The following CSRP1 variants were observed in gnomAD, a reference collection of about 807,000 sequenced individuals.
CSRP1 encodes cysteine and glycine rich protein 1, also known as cysteine and glycine-rich protein 1.
In CSRP1, 16 loss-of-function variants were observed where a neutral mutation model predicts 25.4. The ratio of observed to expected loss-of-function variants is 0.63; its 90% CI spans 0.43 to 0.96. The LOEUF is 0.96. CSRP1 is among the 40% of genes least tolerant of loss of function. The probability of loss-of-function intolerance (pLI) is 0.00; values close to 1 mark genes in which losing one functional copy is unlikely to be tolerated. For missense variants in CSRP1, 212 were observed against 243.6 expected, an observed-to-expected ratio of 0.87 and a Z score of 0.86; for synonymous variants, 97 against 95.3, an observed-to-expected ratio of 1.02 and a Z score of -0.10.
intron 1 of CSRP1, among the ~76,000 whole-genome samples, chr1:201,505,018 T>G (rs1664776421): frequency 6.6e-6 from 1 of 152,170 alleles, no homozygotes; most frequent in Non-Finnish European, 1.5e-5. Flanking sequence ...GAGAATCGCT[T>G]GAACCCAGGA....
At chr1:201,496,577 G>C in intron 1 of CSRP1, 1 of 476,210 alleles carries the variant, frequency 2.1e-6, no homozygotes, top group South Asian at 2.5e-5. Flanking sequence ...AAAGGATGTG[G>C]ATCAGCAGAA....
Position 201,485,341 on chromosome 1 carries a change from A to G in CSRP1, c.447T>C (p.Cys149=), listed in dbSNP as rs781236533. 5.0e-6 allele frequency: 8 copies of G among 1,614,196 alleles called. No individual in the cohort carries two copies. The South Asian group carries it at 8.8e-5, about 18-fold the overall frequency. Residue 149 remains cysteine, a synonymous_variant, in exon 5 of 6, where the codon TGT becomes TGC. Transcript: ENST00000340006. ...GGGTGGTTGACTCAAGGCCTTTGCC[A>G]CACTTGGCACATCGAAAGCAGGCCT... ...WHKACFRCAK[C]GKGLESTTLA...
chr1:201,490,038 T>G (rs1272588568), intron 3 of CSRP1, 138 bp downstream of exon 3: 2 of 850,190 alleles, frequency 2.4e-6, no homozygotes, highest in African/African-American at 3.4e-5. Flanking sequence ...TAGACACTGC[T>G]CTGTGACTGC....
intron 2 of CSRP1, chr1:201,495,556 C>T (rs1015443936): frequency 6.6e-6 from 1 of 152,174 alleles, no homozygotes; most frequent in Non-Finnish European, 1.5e-5. Context: ...TGTCAGGATC[C>T]CTGGGTCGAC....
intron 4 of CSRP1, chr1:201,487,532 G>A (rs1664186395): frequency 6.6e-6 from 1 of 152,228 alleles, no homozygotes; most frequent in Non-Finnish European, 1.5e-5. Context: ...TGAGGCTTAG[G>A]AAGGCTAAAT....
At chr1:201,493,961 G>A (rs1664419344) in intron 2 of CSRP1, among the ~76,000 whole-genome samples, 2 of 152,216 alleles carry the variant, frequency 1.3e-5, no homozygotes, top group Non-Finnish European at 2.9e-5. Context: ...AGATGGCTCA[G>A]CCTGCTGGGA....
At chr1:201,488,786 A>G in intron 4 of CSRP1, 69 bp downstream of exon 4, 1 of 1,582,402 alleles carries the variant, frequency 6.3e-7, no homozygotes, top group Non-Finnish European at 8.6e-7. Flanking sequence ...CACCAATTTA[A>G]AAGTTCTGGA....
intron 1 of CSRP1, 151 bp from the exon 2 acceptor site, chr1:201,496,455 T>C (rs1374647989): frequency 1.5e-6 from 1 of 669,020 alleles, no homozygotes; most frequent in African/African-American, 1.8e-5. Context: ...GAGCACTTTC[T>C]GCTAGCTCTC....
chr1:201,486,653 C>A, intron 4 of CSRP1: 1 of 1,041,166 alleles, frequency 9.6e-7, no homozygotes, highest in Non-Finnish European at 1.2e-6. Flanking sequence ...TAGACCAACA[C>A]CTCTCCTCAT....
intron 4 of CSRP1, chr1:201,487,711 T>C (rs554633134): frequency 6.6e-6 from 1 of 152,268 alleles, no homozygotes; most frequent in East Asian, 1.9e-4. Flanking sequence ...GTAACAGCAG[T>C]AAGAGCAAGG....
Position 201,484,370 on chromosome 1 carries a change from C to T in CSRP1, c.*343G>A. On this transcript the variant is annotated 3_prime_UTR_variant, in exon 6 of 6. Coordinates refer to ENST00000340006, the MANE Select transcript of CSRP1 (RefSeq NM_004078.3). ...GCTCCTCTGGGTGCCAAGATGTGTC[C>T]TCAGGTGTCTTGGTCAGCTGATGAT... 2.0e-6 allele frequency: 1 copy of T among 501,294 alleles called. No individual in the cohort carries two copies. Among genetic ancestry groups the T allele is most frequent in the Non-Finnish European group, 3.6e-6 (1 of 279,324 alleles). The allele number at this position is 501,294 out of a possible 1,614,324, so 31.1% of individuals were successfully genotyped here.
chr1:201,503,235 A>G (rs1035744751), intron 1 of CSRP1, among the ~76,000 whole-genome samples: 2 of 152,264 alleles, frequency 1.3e-5, no homozygotes, highest in African/African-American at 4.8e-5. Flanking sequence ...GAAATCCTGT[A>G]TTATAATAAA....
intron 4 of CSRP1, chr1:201,486,875 G>A: frequency 2.5e-6 from 3 of 1,222,282 alleles, no homozygotes; most frequent in Non-Finnish European, 3.1e-6. Context: ...TGGAAATAGT[G>A]ATTCTTAGCT....
intron 2 of CSRP1, chr1:201,490,615 C>T (rs999388219): frequency 5.4e-6 from 2 of 371,868 alleles, no homozygotes; most frequent in African/African-American, 4.1e-5. Context: ...CTCTGCACCC[C>T]TAAACTTCCT....
chr1:201,486,896 A>G (rs1664163905), intron 4 of CSRP1: 1 of 1,245,220 alleles, frequency 8.0e-7, no homozygotes, highest in Admixed American at 3.1e-5. Context: ...ATTCTTAATA[A>G]TTTTCTATTC....
intron 1 of CSRP1, among the ~76,000 whole-genome samples, chr1:201,499,593 TCAG>T (rs145272215): frequency 0.035 from 5,283 of 152,212 alleles, 293 homozygotes; most frequent in African/African-American, 0.12. Context: ...CTACTATGCA[TCAG>T]ATGGCTCATC....
At chr1:201,496,457 C>T in intron 1 of CSRP1, 153 bp from the exon 2 acceptor site, 1 of 663,438 alleles carries the variant, frequency 1.5e-6, no homozygotes, top group Non-Finnish European at 2.7e-6. Context: ...GCACTTTCTG[C>T]TAGCTCTCGA....
At chr1:201,502,555 A>C (rs921849166) in intron 1 of CSRP1, among the ~76,000 whole-genome samples, 2 of 152,200 alleles carry the variant, frequency 1.3e-5, no homozygotes, top group African/African-American at 4.8e-5. Context: ...GCTTGGCCTC[A>C]GCTTTCCATG....
At chr1:201,505,653 G>A (rs746449497) in intron 1 of CSRP1, among the ~76,000 whole-genome samples, 1 of 152,210 alleles carries the variant, frequency 6.6e-6, no homozygotes, top group African/African-American at 2.4e-5. Flanking sequence ...CCTCTCCAAG[G>A]CAAAGAGTCA....
Sources: allele counts gnomAD v4.1 joint callset (sites outside exome capture counted in the v4.1 genomes callset), GRCh38; gene constraint gnomAD v4.1.1; transcripts MANE v1.5; gene names NCBI Gene and HGNC (gene_info 2026-07-23, HGNC 2026-07-21).